The following PRKD1 variants were observed in gnomAD, a reference collection of about 807,000 sequenced individuals.
PRKD1 encodes the protein protein kinase D1.
PRKD1 carries 63 observed loss-of-function variants against 95.9 expected under a neutral mutation model. The observed-to-expected ratio is 0.66, with a 90% CI of 0.54 to 0.81. The LOEUF is 0.81. Ranked by LOEUF, PRKD1 falls within the 30% of genes least tolerant of loss-of-function variation. The pLI is 0.00. For missense variants in PRKD1, 1,048 were observed against 1,165.3 expected, an observed-to-expected ratio of 0.90 and a Z score of 1.47; for synonymous variants, 425 against 423.1, an observed-to-expected ratio of 1.00 and a Z score of -0.05.
intron 1 of PRKD1, among the ~76,000 whole-genome samples, chr14:29,837,162 G>T (rs568127941): frequency 4.6e-5 from 7 of 152,172 alleles, no homozygotes; most frequent in African/African-American, 9.6e-5. Flanking sequence ...AACTGTAAAA[G>T]AAGTGAAAGG....
chr14:29,630,521 T>A (rs972629505), intron 10 of PRKD1: 1 of 571,322 alleles, frequency 1.8e-6, no homozygotes, highest in Non-Finnish European at 3.0e-6. Flanking sequence ...TTGTTAAATT[T>A]TAATATAAAA....
chr14:29,737,438 T>C (rs1231721529), intron 1 of PRKD1, among the ~76,000 whole-genome samples: 3 of 150,428 alleles, frequency 2.0e-5, no homozygotes, highest in African/African-American at 7.4e-5. Flanking sequence ...TGGTCAATAA[T>C]GGAATACATC....
chr14:29,889,578 T>C (rs11845475), intron 1 of PRKD1, among the ~76,000 whole-genome samples: 2,140 of 152,302 alleles, frequency 0.014, 50 homozygotes, highest in African/African-American at 0.049. Flanking sequence ...GATGAGTTCA[T>C]GTCCTTTGCA....
intron 1 of PRKD1, among the ~76,000 whole-genome samples, chr14:29,729,834 CTTTAT>C (rs1886344933): frequency 6.6e-6 from 1 of 151,920 alleles, no homozygotes; most frequent in South Asian, 2.1e-4. Context: ...AAAGCTGTGT[CTTTAT>C]TTTCTTTCAA....
At chr14:29,607,874 G>T (rs1415643703) in intron 13 of PRKD1, among the ~76,000 whole-genome samples, 1 of 152,112 alleles carries the variant, frequency 6.6e-6, no homozygotes, top group Non-Finnish European at 1.5e-5. Context: ...ACAGGGCAGG[G>T]GTATGTGGGG....
At chr14:29,664,158 C>G (rs1246677940) in intron 3 of PRKD1, among the ~76,000 whole-genome samples, 1 of 152,106 alleles carries the variant, frequency 6.6e-6, no homozygotes, top group African/African-American at 2.4e-5. Flanking sequence ...ATTAGATAAT[C>G]TGAGCCACTT....
At chr14:29,732,990 T>C (rs1428801064) in intron 1 of PRKD1, among the ~76,000 whole-genome samples, 1 of 151,562 alleles carries the variant, frequency 6.6e-6, no homozygotes. Context: ...TCATGACATT[T>C]AGAAAATTTT....
chr14:29,802,208 A>C (rs992424836), intron 1 of PRKD1, among the ~76,000 whole-genome samples: 1 of 152,236 alleles, frequency 6.6e-6, no homozygotes, highest in Admixed American at 6.5e-5. Context: ...GAGACTACAG[A>C]AAAAACAAAC....
chr14:29,793,666 G>C (rs1008880758), intron 1 of PRKD1, among the ~76,000 whole-genome samples: 5 of 151,710 alleles, frequency 3.3e-5, no homozygotes, highest in African/African-American at 1.2e-4. Context: ...TTTTTTTAAA[G>C]CTTTTATAAA....
At chr14:29,625,361 C>T (rs1364697206) in intron 12 of PRKD1, among the ~76,000 whole-genome samples, 1 of 152,144 alleles carries the variant, frequency 6.6e-6, no homozygotes, top group Non-Finnish European at 1.5e-5. Context: ...TACTTTACTC[C>T]ATTTGTGTCT....
At chr14:29,882,395 A>G (rs1021936523) in intron 1 of PRKD1, among the ~76,000 whole-genome samples, 3 of 152,208 alleles carry the variant, frequency 2.0e-5, no homozygotes, top group Admixed American at 2.0e-4. Context: ...AGGCCCAAAG[A>G]CTAGTCCTAG....
At chr14:29,919,974 G>C (rs1192226259) in intron 1 of PRKD1, among the ~76,000 whole-genome samples, 1 of 149,202 alleles carries the variant, frequency 6.7e-6, no homozygotes, top group South Asian at 2.1e-4. Flanking sequence ...GAAAGAGAGA[G>C]AGAGAGAGAG....
intron 1 of PRKD1, among the ~76,000 whole-genome samples, chr14:29,852,927 A>C (rs1892362697): frequency 6.6e-6 from 1 of 152,162 alleles, no homozygotes; most frequent in African/African-American, 2.4e-5. Flanking sequence ...CTCTCCAATC[A>C]AAAATACCAA....
At chr14:29,908,926 AC>A (rs1894594959) in intron 1 of PRKD1, among the ~76,000 whole-genome samples, 1 of 152,170 alleles carries the variant, frequency 6.6e-6, no homozygotes, top group Non-Finnish European at 1.5e-5. Context: ...CCACTGCTGC[AC>A]TATGGGAGCC....
intron 1 of PRKD1, among the ~76,000 whole-genome samples, chr14:29,786,998 G>A (rs1296759668): frequency 1.3e-5 from 2 of 151,772 alleles, no homozygotes; most frequent in Non-Finnish European, 2.9e-5. Context: ...CAGTGCTCTG[G>A]CTATATTCCA....
chr14:29,830,121 T>A (rs1177621934), intron 1 of PRKD1, among the ~76,000 whole-genome samples: 2 of 152,152 alleles, frequency 1.3e-5, no homozygotes, highest in Non-Finnish European at 2.9e-5. Context: ...GGGGGCTGAT[T>A]TGTGAATATA....
intron 1 of PRKD1, among the ~76,000 whole-genome samples, chr14:29,805,750 A>AC (rs1410992976): frequency 6.6e-6 from 1 of 152,200 alleles, no homozygotes; most frequent in Non-Finnish European, 1.5e-5. Context: ...CCAGGATTCA[A>AC]CCCTTGGCAG....
At chr14:29,651,173 C>T (rs942103449) in intron 4 of PRKD1, among the ~76,000 whole-genome samples, 2 of 152,082 alleles carry the variant, frequency 1.3e-5, no homozygotes, top group African/African-American at 4.8e-5. Flanking sequence ...GAGAAAGAGA[C>T]AAAAGATAAG....
At chr14:29,832,604 T>C (rs1293195725) in intron 1 of PRKD1, among the ~76,000 whole-genome samples, 1 of 152,092 alleles carries the variant, frequency 6.6e-6, no homozygotes, top group African/African-American at 2.4e-5. Flanking sequence ...TCCAAAATGC[T>C]TATAAATGGA....
Sources: gnomAD v4.1 joint callset for allele counts (sites outside exome capture counted in the v4.1 genomes callset) on GRCh38, gnomAD v4.1.1 for gene constraint, MANE v1.5 for transcripts, NCBI Gene and HGNC (gene_info 2026-07-23, HGNC 2026-07-21) for gene names.